The following C8orf89 variants were observed in gnomAD, a reference collection of about 807,000 sequenced individuals.
The protein encoded by C8orf89 is putative uncharacterized protein C8orf89.
A neutral mutation model predicts 15.8 loss-of-function variants in C8orf89; 14 were observed. That is an observed-to-expected ratio of 0.89 (90% CI 0.59 to 1.39). The LOEUF is 1.39. Among genes scored for constraint, C8orf89 ranks in the 40% most tolerant of loss-of-function variants. The probability of loss-of-function intolerance (pLI) is 0.00; values close to 1 mark genes in which losing one functional copy is unlikely to be tolerated. For missense variants in C8orf89, 181 were observed against 184.5 expected (o/e 0.98, Z 0.11); for synonymous variants, 55 against 62.2 (o/e 0.88, Z 0.54).
At chr8:73,277,626 G>A in the C8orf89 span, 4 of 761,562 alleles carry the variant, frequency 5.3e-6, no homozygotes, top group African/African-American at 6.9e-5. Flanking sequence ...GTGGACCATA[G>A]AACTTTTTCT....
chr8:73,280,637 G>C, the C8orf89 span, among the ~76,000 whole-genome samples: 5 of 151,878 alleles, frequency 3.3e-5, no homozygotes, highest in African/African-American at 7.3e-5. Context: ...TCCTCCTAAA[G>C]TTCTGGGGTT....
the C8orf89 span, among the ~76,000 whole-genome samples, chr8:73,274,071 A>G: frequency 9.5e-4 from 145 of 151,936 alleles, 3 homozygotes; most frequent in East Asian, 0.025. Context: ...TTTATATTAT[A>G]TTGCTTGTCA....
chr8:73,248,458 T>C (rs976238628), intron 3 of C8orf89, among the ~76,000 whole-genome samples: 6 of 152,308 alleles, frequency 3.9e-5, no homozygotes, highest in African/African-American at 1.4e-4. Context: ...TTAAAATAGT[T>C]TTTTCTAGTT....
At chr8:73,251,089 G>T (rs75449830) in intron 2 of C8orf89, among the ~76,000 whole-genome samples, 3,588 of 152,130 alleles carry the variant, frequency 0.024, 144 homozygotes, top group African/African-American at 0.081. Flanking sequence ...ATGAGCCACT[G>T]AGCCCAGCCT....
the C8orf89 span, among the ~76,000 whole-genome samples, chr8:73,283,040 T>G: frequency 6.6e-6 from 1 of 152,144 alleles, no homozygotes; most frequent in African/African-American, 2.4e-5. Flanking sequence ...AAGATGAAAA[T>G]GTTAAGAGTT....
the C8orf89 span, among the ~76,000 whole-genome samples, chr8:73,282,224 G>A: frequency 6.6e-6 from 1 of 152,162 alleles, no homozygotes; most frequent in Non-Finnish European, 1.5e-5. Context: ...ACTAAAGAGA[G>A]ATTCTGCCTG....
the C8orf89 span, among the ~76,000 whole-genome samples, chr8:73,271,583 G>T: frequency 6.6e-5 from 10 of 152,268 alleles, no homozygotes; most frequent in Admixed American, 2.0e-4. Flanking sequence ...TGTACAGCTT[G>T]CAGAGACATG....
At chr8:73,243,419 C>G (rs1188255189) in intron 3 of C8orf89, among the ~76,000 whole-genome samples, 2 of 152,002 alleles carry the variant, frequency 1.3e-5, no homozygotes, top group African/African-American at 4.8e-5. Flanking sequence ...ATCTCATATA[C>G]CTCATAAATA....
chr8:73,245,041 A>G (rs894132120), intron 3 of C8orf89, among the ~76,000 whole-genome samples: 7 of 152,200 alleles, frequency 4.6e-5, no homozygotes, highest in Non-Finnish European at 1.0e-4. Flanking sequence ...ACCAGAAGGC[A>G]AAAGCCATGT....
intron 2 of C8orf89, among the ~76,000 whole-genome samples, chr8:73,253,368 G>C (rs534478143): frequency 1.3e-5 from 2 of 152,144 alleles, no homozygotes; most frequent in African/African-American, 4.8e-5. Context: ...GTCAGGTAGC[G>C]TGATGCCTCC....
intron 3 of C8orf89, among the ~76,000 whole-genome samples, chr8:73,242,803 G>C (rs1813033934): frequency 6.6e-6 from 1 of 152,158 alleles, no homozygotes; most frequent in Non-Finnish European, 1.5e-5. Flanking sequence ...CCCATTGCTA[G>C]ACATATACCC....
chr8:73,277,647 G>A, the C8orf89 span: 1 of 758,556 alleles, frequency 1.3e-6, no homozygotes, highest in South Asian at 1.3e-5. Context: ...TTTCATCCAG[G>A]AAGGTTTCTC....
intron 3 of C8orf89, among the ~76,000 whole-genome samples, chr8:73,243,139 A>G (rs1209983950): frequency 6.6e-6 from 1 of 152,172 alleles, no homozygotes; most frequent in Non-Finnish European, 1.5e-5. Flanking sequence ...GACTAGAAGG[A>G]TGGTTACCAG....
chr8:73,269,623 C>T, the C8orf89 span, among the ~76,000 whole-genome samples: 1 of 152,194 alleles, frequency 6.6e-6, no homozygotes. Context: ...CTTCAAAGCA[C>T]TTAATATATG....
the C8orf89 span, among the ~76,000 whole-genome samples, chr8:73,281,631 TTTTCTTTG>T: frequency 7.2e-5 from 11 of 151,844 alleles, no homozygotes; most frequent in East Asian, 7.8e-4. Context: ...AGTAGGAAGG[TTTTCTTTG>T]TTTGTTTGTT....
chr8:73,281,378 G>A, the C8orf89 span, among the ~76,000 whole-genome samples: 1 of 152,090 alleles, frequency 6.6e-6, no homozygotes, highest in African/African-American at 2.4e-5. Context: ...TTAATTTTAG[G>A]GTTGTTTGAA....
chr8:73,256,032 C>T (rs903881843), intron 2 of C8orf89, among the ~76,000 whole-genome samples: 44 of 151,336 alleles, frequency 2.9e-4, no homozygotes, highest in African/African-American at 8.8e-4. Flanking sequence ...ATGGGTGCAG[C>T]GCACCAGCAT....
the C8orf89 span, among the ~76,000 whole-genome samples, chr8:73,284,184 T>G: frequency 3.4e-5 from 5 of 148,844 alleles, no homozygotes. Context: ...CTAAGTAAAC[T>G]GATATGAATG....
At chr8:73,274,215 G>A in the C8orf89 span, among the ~76,000 whole-genome samples, 1 of 151,844 alleles carries the variant, frequency 6.6e-6, no homozygotes, top group Non-Finnish European at 1.5e-5. Context: ...GTGCAGTGGC[G>A]CGATCTCAGC....
Sources: allele counts gnomAD v4.1 joint callset (sites outside exome capture counted in the v4.1 genomes callset), GRCh38; gene constraint gnomAD v4.1.1; transcripts MANE v1.5; gene names NCBI Gene and HGNC (gene_info 2026-07-23, HGNC 2026-07-21).